Variants in PYURF observed in about 807,000 individuals in gnomAD.
PYURF encodes the protein protein preY, mitochondrial.
PYURF carries 9 observed loss-of-function variants against 8.0 expected under a neutral mutation model. The ratio of observed to expected loss-of-function variants is 1.13; its 90% CI spans 0.68 to 1.97. PYURF has a LOEUF of 1.97. PYURF is among the 30% of genes most tolerant of loss of function. PYURF has a pLI of 0.00. For synonymous variants in PYURF, 56 were observed against 68.3 expected (o/e 0.82, Z 0.89); for missense variants, 130 against 158.0 (o/e 0.82, Z 0.95).
In PYURF at chr4:88,523,612, G is replaced by C. The variant is rs1177834015; in HGVS notation, c.89C>G (p.Ala30Gly). ...PSAVARRCLH[A>G]SGSRPLADRG... ...GTCGGCCAAAGGCCGCGACCCCGAC[G>C]CGTGCAGGCACCTACGGGCGACCGC... Residue 30 changes from alanine (A) to glycine (G), a missense_variant, in exon 1 of 2, where the codon GCG (alanine) becomes GGG (glycine). Physicochemically the swap from Ala to Gly is moderately conservative, Grantham distance 60 (BLOSUM62 0). Coordinates refer to ENST00000273968, the MANE Select transcript of PYURF (RefSeq NM_032906.5). 8 of 1,548,596 alleles carry C rather than the reference G, an allele frequency of 5.2e-6. No homozygotes were observed. The highest frequency in any genetic ancestry group is 7.0e-6 in the Non-Finnish European group (8 of 1,146,584).
chr4:88,522,385 G>T (rs1448682428), intron 1 of PYURF, among the ~76,000 whole-genome samples: 1 of 151,602 alleles, frequency 6.6e-6, no homozygotes, highest in Non-Finnish European at 1.5e-5. Flanking sequence ...ATTTACTACT[G>T]GAATAAACAC....
Position 88,521,576 on chromosome 4 carries a change from A to T in PYURF, c.*312T>A. On this transcript the variant is annotated 3_prime_UTR_variant, in exon 2 of 2. Transcript: ENST00000273968. ...ACAGCATATTGACTCTAGTTGCATC[A>T]ATTATGCCTGAAGAGTTTAATACCC... 1 of 1,600,300 alleles carries T rather than the reference A, an allele frequency of 6.2e-7. No individual in the cohort carries two copies. Among genetic ancestry groups the T allele is most frequent in the South Asian group, 1.1e-5 (1 of 90,790 alleles).
At position 88,521,680 on chromosome 4, in the gene PYURF, G is replaced by C. The variant is rs765959502; in HGVS notation, c.*208C>G. ...CAGGCTGTAAAAGCAAAGGCTGGCT[G>C]TGCTAGTGCAGCCCTGTGGGAAGTT... On this transcript the variant is annotated 3_prime_UTR_variant, in exon 2 of 2. Transcript: ENST00000273968. The C allele has an allele frequency of 6.2e-7, 1 of 1,613,928 alleles. No homozygotes were observed.
In PYURF at chr4:88,521,878, A is replaced by T. The variant is rs1173312364; in HGVS notation, c.*10T>A. On this transcript the variant is annotated 3_prime_UTR_variant, in exon 2 of 2. Coordinates refer to ENST00000273968, the MANE Select transcript of PYURF (RefSeq NM_032906.5). ...GCTGTTGCGTTTTTTTAATTTTTTT[A>T]AATTATGAACTAGCGCTGCTCCACT... 4.5e-6 allele frequency: 7 copies of T among 1,540,188 alleles called. No homozygotes were observed. Among genetic ancestry groups the T allele is most frequent in the African/African-American group, 2.8e-5 (2 of 72,020 alleles).
chr4:88,523,485 G>C lies in PYURF; in HGVS notation c.203+13C>G. On this transcript the variant is annotated intron_variant, in intron 1 of 1. Transcript: ENST00000273968. ...GGGAGGCTGCAAAGGAAGGGCCAAG[G>C]CCAGCGAGTTACCTGAGCGGCTTCT... The C allele has an allele frequency of 1.3e-6, 2 of 1,551,062 alleles. No individual in the cohort carries two copies. The highest frequency in any genetic ancestry group is 1.4e-5 in the African/African-American group (1 of 73,168).
Position 88,523,752 on chromosome 4 carries a change from A to G in PYURF, c.-52T>C, listed in dbSNP as rs1742476669. On this transcript the variant is annotated 5_prime_UTR_variant, in exon 1 of 2. Coordinates refer to ENST00000273968, the MANE Select transcript of PYURF (RefSeq NM_032906.5). ...ACCGCAGCCTCGCCACCCGTGGCCG[A>G]GCTCCCGGCTTCCCGTTCGTCCAGG... 1 of 1,388,092 alleles carries G rather than the reference A, an allele frequency of 7.2e-7. No homozygotes were observed. Among genetic ancestry groups the G allele is most frequent in the Non-Finnish European group, 9.3e-7 (1 of 1,075,054 alleles). The allele number at this position is 1,388,092 out of a possible 1,614,324, so 86.0% of individuals were successfully genotyped here. A position where few individuals can be genotyped will look rare whatever the true frequency, so the allele number is the denominator to read the frequency against.
At position 88,521,351 on chromosome 4, in the gene PYURF, T is replaced by C; in HGVS notation, c.*537A>G. 3.9e-6 allele frequency: 2 copies of C among 513,266 alleles called. No individual in the cohort carries two copies. The highest frequency in any genetic ancestry group is 5.8e-5 in the South Asian group (2 of 34,486). 31.8% of individuals were successfully genotyped at this position (513,266 alleles called of 1,614,324 possible). A position where few individuals can be genotyped will look rare whatever the true frequency, so the allele number is the denominator to read the frequency against. On this transcript the variant is annotated 3_prime_UTR_variant, in exon 2 of 2. Coordinates refer to ENST00000273968, the MANE Select transcript of PYURF (RefSeq NM_032906.5). ...CTCCAACCAAGACACTGTCAAAATG[T>C]TTCTTCTGATACAGCAGTTATAAGT...
chr4:88,521,963 C>A lies in PYURF; in HGVS notation c.270G>T (p.Gly90=), dbSNP rs1398001796. 3 of 1,551,228 alleles carry A rather than the reference C, an allele frequency of 1.9e-6. No homozygotes were observed. In the African/African-American group the frequency reaches 4.1e-5, roughly 21 times the overall value. The change falls in exon 2 of 2, where the codon GGG becomes GGT. Residue 90 remains glycine (G), a synonymous_variant. Coordinates refer to ENST00000273968, the MANE Select transcript of PYURF (RefSeq NM_032906.5). ...CTGCCTGTGGTATCATATTAGGGAT[C>A]CCATCAATGATTGGATAAGCTATTC... ...ELGIAYPIID[G]IPNMIPQAAR...
In PYURF at chr4:88,523,503, C is replaced by T. The variant is rs1262743919; in HGVS notation, c.198G>A (p.Pro66=). The T allele has an allele frequency of 6.4e-7, 1 of 1,551,264 alleles. No homozygotes were observed. The highest frequency in any genetic ancestry group is 1.2e-5 in the South Asian group (1 of 84,066). Residue 66 remains proline, a synonymous_variant, in exon 1 of 2, where the codon CCG becomes CCA. Coordinates refer to ENST00000273968, the MANE Select transcript of PYURF (RefSeq NM_032906.5). ...EFLVCPLSKK[P]LRYEASTNEL... Reference sequence around the variant, plus strand: ...GGCCAAGGCCAGCGAGTTACCTGAGCGGCTTCTTGGAGAGCGGGCACACCA... The same window carrying T: ...GGCCAAGGCCAGCGAGTTACCTGAGTGGCTTCTTGGAGAGCGGGCACACCA...
In PYURF at chr4:88,521,934, C is replaced by G; in HGVS notation, c.299G>C (p.Arg100Thr). ...TTGCTTCTTACTTTGACGTGTCATC[C>G]TAGCTGCCTGTGGTATCATATTAGG... ...GIPNMIPQAA[R>T]MTRQSKKQEE... Residue 100 changes from arginine (R) to threonine (T), a missense_variant, in exon 2 of 2, where the codon AGG becomes ACG. By Grantham distance (71) the Arg-to-Thr change is moderately conservative (BLOSUM62 -1). Coordinates refer to ENST00000273968, the MANE Select transcript of PYURF (RefSeq NM_032906.5). 6.4e-7 allele frequency: 1 copy of G among 1,551,492 alleles called. No homozygotes were observed. The highest frequency in any genetic ancestry group is 8.7e-7 in the Non-Finnish European group (1 of 1,146,930).
At chr4:88,523,359 G>T in intron 1 of PYURF, 139 bp downstream of exon 1, 1 of 887,220 alleles carries the variant, frequency 1.1e-6, no homozygotes, top group Non-Finnish European at 1.7e-6. Context: ...TGCGCCCGGC[G>T]AGGACAGAGT....
At chr4:88,522,760 G>A (rs1742416002) in intron 1 of PYURF, among the ~76,000 whole-genome samples, 1 of 152,176 alleles carries the variant, frequency 6.6e-6, no homozygotes, top group Non-Finnish European at 1.5e-5. Context: ...ACTAGTTAAA[G>A]AGGCTTCTAC....
chr4:88,522,308 A>G (rs1386255044), intron 1 of PYURF, among the ~76,000 whole-genome samples: 1 of 152,180 alleles, frequency 6.6e-6, no homozygotes. Flanking sequence ...ACTAGTCAGA[A>G]AAGATCCCCC....
Position 88,523,088 on chromosome 4 carries a change from G to C in PYURF, c.203+410C>G, listed in dbSNP as rs372108080. Among the ~76,000 whole-genome samples the C allele has an allele frequency of 1.9e-3, 288 of 151,252 alleles. 1 individual carries two copies. The highest frequency in any genetic ancestry group is 6.8e-3 in the African/African-American group (279 of 40,892). On this transcript the variant is annotated intron_variant, in intron 1 of 1. Transcript: ENST00000273968. ...CTAGGCCAGTCTGGGCAACGTAGGG[G>C]GCACCCTGTCTCTTAAAAGGAAAAA... is the stretch of plus-strand genomic sequence containing the variant.
rs995217751 is a variant in PYURF, at chr4:88,521,423, G to A, written c.*465C>T. The A allele has an allele frequency of 4.5e-5, 29 of 651,492 alleles. No individual in the cohort carries two copies. The Middle Eastern group carries it at 9.5e-4, about 21-fold the overall frequency. The allele number at this position is 651,492 out of a possible 1,614,324, so 40.4% of individuals were successfully genotyped here. ...GCAGAACAAGAGTACAATAAAAGAA[G>A]CATCTGCAACTTAAGCCTCCCACAG... On this transcript the variant is annotated 3_prime_UTR_variant, in exon 2 of 2. Transcript: ENST00000273968.
chr4:88,522,158 A>G, intron 1 of PYURF, 129 bp from the exon 2 acceptor site: 1 of 776,972 alleles, frequency 1.3e-6, no homozygotes, highest in South Asian at 2.3e-5. Flanking sequence ...GTCTTCTTTA[A>G]TTCTAAAAGC....
intron 1 of PYURF, 144 bp downstream of exon 1, chr4:88,523,354 C>T: frequency 1.2e-6 from 1 of 852,808 alleles, no homozygotes; most frequent in Non-Finnish European, 1.8e-6. Flanking sequence ...CGCTGTGCGC[C>T]CGGCGAGGAC....
chr4:88,521,371 A>G lies in PYURF; in HGVS notation c.*517T>C, dbSNP rs548500350. On this transcript the variant is annotated 3_prime_UTR_variant, in exon 2 of 2. Coordinates refer to ENST00000273968, the MANE Select transcript of PYURF (RefSeq NM_032906.5). ...AAATGTTTCTTCTGATACAGCAGTT[A>G]TAAGTCAGAGCCTTCAAAAAACAAG... The G allele has an allele frequency of 7.2e-5, 40 of 556,334 alleles. No homozygotes were observed. In the South Asian group the frequency reaches 7.2e-4, roughly 10 times the overall value. 34.5% of individuals were successfully genotyped at this position (556,334 alleles called of 1,614,324 possible). A position where few individuals can be genotyped will look rare whatever the true frequency, so the allele number is the denominator to read the frequency against.
intron 1 of PYURF, among the ~76,000 whole-genome samples, chr4:88,522,632 A>G (rs1742411677): frequency 6.6e-6 from 1 of 152,250 alleles, no homozygotes; most frequent in Admixed American, 6.5e-5. Flanking sequence ...CTAGCAATCT[A>G]CCATTCAAAG....
Sources: allele counts gnomAD v4.1 joint callset (sites outside exome capture counted in the v4.1 genomes callset), GRCh38; gene constraint gnomAD v4.1.1; transcripts MANE v1.5; gene names NCBI Gene and HGNC (gene_info 2026-07-23, HGNC 2026-07-21).